The following TRHDE variants were observed in gnomAD, a reference collection of about 807,000 sequenced individuals.
TRHDE encodes thyrotropin-releasing hormone-degrading ectoenzyme.
Under a neutral mutation model 125.7 loss-of-function variants are expected in TRHDE, and 72 were observed. That is an observed-to-expected ratio of 0.57 (90% CI 0.47 to 0.70). The LOEUF (loss-of-function observed/expected upper bound fraction) is 0.70. Ranked by LOEUF, TRHDE falls within the 30% of genes least tolerant of loss-of-function variation. TRHDE has a pLI of 0.00. For missense variants in TRHDE, 1,110 were observed against 1,327.1 expected, an observed-to-expected ratio of 0.84 and a Z score of 2.54; for synonymous variants, 509 against 509.1, an observed-to-expected ratio of 1.00 and a Z score of 0.00.
chr12:72,449,194 C>T (rs1048131156), intron 3 of TRHDE, among the ~76,000 whole-genome samples: 1 of 151,844 alleles, frequency 6.6e-6, no homozygotes, highest in African/African-American at 2.4e-5. Flanking sequence ...CTTTCAGTAG[C>T]CAAAAAATTT....
At chr12:72,662,978 T>C (rs1874972688) in intron 18 of TRHDE, 74 bp from the exon 19 acceptor site, 1 of 1,439,934 alleles carries the variant, frequency 6.9e-7, no homozygotes, top group African/African-American at 1.4e-5. Context: ...TCAAATAGAT[T>C]CTTGTTCATG....
rs190824394 is a variant in TRHDE, at chr12:72,226,648, C to T, written n.279+120896C>T. ...CAGAGACCAAATAGTAGTTATTTGA[C>T]TTACTGCAATGAAGAATACACTAAA... On this transcript the variant is annotated intron_variant and non_coding_transcript_variant, in intron 2 of 4. Coordinates refer to the TRHDE transcript ENST00000548156. 6.7e-4 allele frequency among the ~76,000 whole-genome samples: 102 copies of T among 152,236 alleles called. 1 individual carries two copies. The highest frequency in any genetic ancestry group is 5.3e-3 in the Admixed American group (81 of 15,286).
chr12:72,102,291 AC>A (rs1315055345), intron 1 of TRHDE, among the ~76,000 whole-genome samples: 1 of 152,058 alleles, frequency 6.6e-6, no homozygotes, highest in Admixed American at 6.6e-5. Flanking sequence ...ACATGCTTAA[AC>A]CTATAGTCAC....
rs1875135090 is a variant in TRHDE, at chr12:72,104,369, T to A, written n.175-1279T>A. Among the ~76,000 whole-genome samples, 3 of 152,094 alleles carry A rather than the reference T, an allele frequency of 2.0e-5. No homozygotes were observed. In the South Asian group the frequency reaches 6.2e-4, roughly 32 times the overall value. On this transcript the variant is annotated intron_variant and non_coding_transcript_variant, in intron 1 of 4. Transcript: ENST00000548156. ...CATCTCTTGCTTCTGAAAGAGAGAA[T>A]AGAGAGGGTAAAGCACACTTAGACT...
chr12:72,612,756 A>G (rs571872672), intron 12 of TRHDE, among the ~76,000 whole-genome samples: 24 of 152,328 alleles, frequency 1.6e-4, no homozygotes, highest in Admixed American at 9.2e-4. Context: ...AGTTTTCTAA[A>G]AAGTAGTTGA....
chr12:72,252,680 C>A (rs1363162301), intron 2 of TRHDE, among the ~76,000 whole-genome samples: 2 of 152,158 alleles, frequency 1.3e-5, no homozygotes, highest in South Asian at 2.1e-4. Context: ...CAAAAAACTT[C>A]CCTGAATTTT....
At chr12:72,371,754 G>GTA (rs1334420619) in intron 2 of TRHDE, among the ~76,000 whole-genome samples, 2 of 152,132 alleles carry the variant, frequency 1.3e-5, no homozygotes, top group African/African-American at 4.8e-5. Context: ...GTATTCCATG[G>GTA]TATATATGTG....
At position 72,420,192 on chromosome 12, in the gene TRHDE, AATTAG is replaced by A. The variant is rs549061490; in HGVS notation, c.1315+42075_1315+42079del. 2.9e-3 allele frequency among the ~76,000 whole-genome samples: 434 copies of A among 152,256 alleles called. 3 individuals carry two copies. The highest frequency in any genetic ancestry group is 5.2e-3 in the Admixed American group (80 of 15,296). On this transcript the variant is annotated intron_variant, in intron 3 of 18. Coordinates refer to ENST00000261180, the MANE Select transcript of TRHDE (RefSeq NM_013381.3). ...CCCATGTCTCTAAGATCAATACTAA[AATTAG>A]ATTGAATGCAGTTGATCGTCTCTAG...
At chr12:72,374,958 C>G (rs1001345551) in intron 2 of TRHDE, among the ~76,000 whole-genome samples, 11 of 152,122 alleles carry the variant, frequency 7.2e-5, no homozygotes, top group Non-Finnish European at 1.2e-4. Flanking sequence ...ATACAGGAAA[C>G]TCTTTCAAGG....
At chr12:72,312,152 A>C (rs913635870) in intron 2 of TRHDE, among the ~76,000 whole-genome samples, 2 of 152,198 alleles carry the variant, frequency 1.3e-5, no homozygotes, top group African/African-American at 4.8e-5. Flanking sequence ...AGGGTCACAC[A>C]GCTAGTAAAA....
chr12:72,157,886 G>C (rs1876552782), intron 2 of TRHDE, among the ~76,000 whole-genome samples: 1 of 152,132 alleles, frequency 6.6e-6, no homozygotes, highest in Non-Finnish European at 1.5e-5. Context: ...AGGGAAAAGA[G>C]AAGAACATTG....
intron 5 of TRHDE, among the ~76,000 whole-genome samples, chr12:72,497,432 A>C (rs1447860616): frequency 2.6e-5 from 4 of 152,162 alleles, no homozygotes; most frequent in Non-Finnish European, 5.9e-5. Flanking sequence ...CAAATATTAA[A>C]ATTAAGGTTT....
intron 2 of TRHDE, among the ~76,000 whole-genome samples, chr12:72,266,772 A>G (rs1879079601): frequency 6.6e-6 from 1 of 152,096 alleles, no homozygotes; most frequent in South Asian, 2.1e-4. Context: ...AGGTGATGAA[A>G]TGACCTGCGT....
intron 2 of TRHDE, among the ~76,000 whole-genome samples, chr12:72,238,167 C>T (rs1467934823): frequency 6.7e-6 from 1 of 149,674 alleles, no homozygotes; most frequent in African/African-American, 2.5e-5. Flanking sequence ...AGAATAAAAG[C>T]AGGGATTTCC....
Position 72,272,926 on chromosome 12 carries a change from G to A in TRHDE, c.283G>A (p.Ala95Thr). Residue 95 changes from alanine to threonine, a missense_variant, in exon 1 of 19, where the codon GCA becomes ACA. Around this residue, in one of 5 missense-constraint regions of TRHDE, gnomAD observed 248 missense variants for 240.8 expected, o/e 1.03. Coordinates refer to ENST00000261180, the MANE Select transcript of TRHDE (RefSeq NM_013381.3). The surrounding 1 kb of genome is among the most constrained non-coding windows in gnomAD (Gnocchi z 6.7). ...GCTGGCCTTCGCTGTGTCCCTCGTG[G>A]CATTGCTCGCGGTCACAATGCTCGC... ...LVLAFAVSLV[A>T]LLAVTMLAVL... 1 of 1,578,196 alleles carries A rather than the reference G, an allele frequency of 6.3e-7. No homozygotes were observed. Among genetic ancestry groups the A allele is most frequent in the South Asian group, 1.1e-5 (1 of 87,868 alleles).
chr12:72,593,639 A>G (rs955287639), intron 12 of TRHDE, among the ~76,000 whole-genome samples: 2 of 152,058 alleles, frequency 1.3e-5, no homozygotes, highest in Non-Finnish European at 2.9e-5. Flanking sequence ...TACATTAGGT[A>G]TATCTCCTAA....
At chr12:72,146,082 T>C (rs560224983) in intron 2 of TRHDE, among the ~76,000 whole-genome samples, 1 of 152,332 alleles carries the variant, frequency 6.6e-6, no homozygotes, top group Admixed American at 6.5e-5. Context: ...ATTTAAAAGA[T>C]CTAAAATAAG....
chr12:72,520,861 A>T (rs1197528913), intron 6 of TRHDE, among the ~76,000 whole-genome samples: 2 of 152,228 alleles, frequency 1.3e-5, no homozygotes, highest in African/African-American at 4.8e-5. Context: ...AGCTTGAATG[A>T]GATAAAACTG....
chr12:72,426,384 A>G (rs1448459798), intron 3 of TRHDE, among the ~76,000 whole-genome samples: 3 of 152,158 alleles, frequency 2.0e-5, no homozygotes, highest in African/African-American at 7.2e-5. Context: ...AACTCCTAAG[A>G]AAAACACTTT....
Sources: gnomAD v4.1 joint callset for allele counts (sites outside exome capture counted in the v4.1 genomes callset) on GRCh38, gnomAD v4.1.1 for gene constraint, gnomAD v4.1.1 regional missense constraint, Gnocchi (gnomAD v3.1) non-coding constraint, MANE v1.5 for transcripts, NCBI Gene and HGNC (gene_info 2026-07-23, HGNC 2026-07-21) for gene names.